TPP2: variants seen among roughly 807,000 people sequenced by gnomAD.
TPP2 encodes the protein tripeptidyl-peptidase 2.
Under a neutral mutation model 155.9 loss-of-function variants are expected in TPP2, and 34 were observed. That is an observed-to-expected ratio of 0.22 (90% CI 0.17 to 0.29). The LOEUF is 0.29. TPP2 is among the 10% of genes least tolerant of loss of function. The probability of loss-of-function intolerance (pLI) is 1.00; values close to 1 mark genes in which losing one functional copy is unlikely to be tolerated. For missense variants in TPP2, 1,028 were observed against 1,522.3 expected (o/e 0.68, Z 5.40); for synonymous variants, 510 against 529.4 (o/e 0.96, Z 0.50).
At chr13:102,656,429 C>G (rs761673172) in intron 24 of TPP2, among the ~76,000 whole-genome samples, 1 of 152,118 alleles carries the variant, frequency 6.6e-6, no homozygotes, top group Non-Finnish European at 1.5e-5. Flanking sequence ...CATTGAGGGT[C>G]GTTTGCGTAA....
intron 10 of TPP2, among the ~76,000 whole-genome samples, chr13:102,632,891 A>G (rs1882113935): frequency 6.6e-6 from 1 of 152,198 alleles, no homozygotes; most frequent in African/African-American, 2.4e-5. Flanking sequence ...GAGCATCTTT[A>G]CAGGTCAACA....
In TPP2 at chr13:102,640,370, T is replaced by C. The variant is rs560503940; in HGVS notation, c.2014T>C (p.Trp672Arg). ...TATTGAGGTTCCTGAGGGTGCAACA[T>C]GGGCTGGTAGGTAAAATTAAAATCT... ...HFIEVPEGAT[W>R]AEVTVCSCSS... The change falls in exon 16 of 30, where the codon TGG becomes CGG. Residue 672 changes from tryptophan to arginine, a missense_variant. Physicochemically the swap from Trp to Arg is moderately radical, Grantham distance 101 (BLOSUM62 -3). Around this residue, in one of 7 missense-constraint regions of TPP2, gnomAD observed 325 missense variants for 463.7 expected, o/e 0.70. Transcript: ENST00000376052. The C allele has an allele frequency of 3.1e-6, 5 of 1,612,840 alleles. No individual in the cohort carries two copies. The highest frequency in any genetic ancestry group is 4.2e-6 in the Non-Finnish European group (5 of 1,179,066).
intron 11 of TPP2, 127 bp from the exon 12 acceptor site, chr13:102,635,460 T>G: frequency 1.6e-6 from 1 of 611,920 alleles, no homozygotes; most frequent in African/African-American, 1.9e-5. Flanking sequence ...CAAAAAAGAT[T>G]TTAAAATGAG....
chr13:102,655,000 T>C, intron 24 of TPP2: 1 of 510,062 alleles, frequency 2.0e-6, no homozygotes, highest in Non-Finnish European at 3.9e-6. Context: ...CCCAGTCTCA[T>C]GTTTCACGTG....
At chr13:102,645,548 A>C (rs551030849) in intron 19 of TPP2, among the ~76,000 whole-genome samples, 1 of 152,370 alleles carries the variant, frequency 6.6e-6, no homozygotes, top group South Asian at 2.1e-4. Context: ...GTGTATTAAA[A>C]TAACCAATTA....
In TPP2 at chr13:102,651,270, A is replaced by G. The variant is rs772703978; in HGVS notation, c.2953-89A>G. On this transcript the variant is annotated intron_variant, in intron 23 of 29. Coordinates refer to ENST00000376052, the MANE Select transcript of TPP2 (RefSeq NM_001330588.2). ...CTAAGTGGTGTAACACAGGTGGAAC[A>G]TAAACTGAAAGACAATTAGACAGAG... The G allele has an allele frequency of 1.5e-5, 22 of 1,458,194 alleles. No individual in the cohort carries two copies. In the Admixed American group the frequency reaches 2.1e-4, roughly 14 times the overall value. 90.3% of individuals were successfully genotyped at this position (1,458,194 alleles called of 1,614,324 possible).
chr13:102,655,625 T>C (rs977462919), intron 24 of TPP2, among the ~76,000 whole-genome samples: 3 of 152,208 alleles, frequency 2.0e-5, no homozygotes, highest in Non-Finnish European at 4.4e-5. Context: ...TCTCCATTTC[T>C]CTGCTGCTGT....
intron 1 of TPP2, among the ~76,000 whole-genome samples, chr13:102,597,870 G>A (rs12430252): frequency 0.32 from 48,327 of 152,018 alleles, 8,337 homozygotes; most frequent in South Asian, 0.41. Context: ...CTTCTGCAGC[G>A]TGTTTGCTTA....
At chr13:102,655,776 G>A (rs673569) in intron 24 of TPP2, among the ~76,000 whole-genome samples, 75,201 of 151,642 alleles carry the variant, frequency 0.5, 19,038 homozygotes, top group African/African-American at 0.6. Context: ...CTGTGCTGCC[G>A]GGTTTTCAGT....
intron 2 of TPP2, among the ~76,000 whole-genome samples, chr13:102,606,194 A>G (rs1390877279): frequency 2.0e-5 from 3 of 152,180 alleles, no homozygotes; most frequent in African/African-American, 7.2e-5. Flanking sequence ...ACATAAAATT[A>G]TGGTTATTTA....
chr13:102,670,108 A>T (rs1025736854), intron 27 of TPP2, among the ~76,000 whole-genome samples: 2 of 152,110 alleles, frequency 1.3e-5, no homozygotes, highest in Non-Finnish European at 2.9e-5. Context: ...TCCACCAAAT[A>T]ACCACTTTTC....
chr13:102,658,343 A>G (rs530732417), intron 25 of TPP2, among the ~76,000 whole-genome samples: 99 of 152,348 alleles, frequency 6.5e-4, no homozygotes, highest in African/African-American at 2.1e-3. Flanking sequence ...ACTTGCAAAT[A>G]TACCTTTCCC....
intron 25 of TPP2, among the ~76,000 whole-genome samples, chr13:102,659,275 A>G (rs1161521144): frequency 6.6e-6 from 1 of 152,228 alleles, no homozygotes; most frequent in Admixed American, 6.5e-5. Context: ...GAGTACCAGG[A>G]GAACAGAGAG....
At chr13:102,617,250 T>G (rs1255478776) in intron 4 of TPP2, among the ~76,000 whole-genome samples, 1 of 152,090 alleles carries the variant, frequency 6.6e-6, no homozygotes, top group Non-Finnish European at 1.5e-5. Context: ...TTGTCACTTT[T>G]AAAAAGGGTT....
At chr13:102,604,592 G>A (rs775349484) in intron 1 of TPP2, among the ~76,000 whole-genome samples, 24 of 152,164 alleles carry the variant, frequency 1.6e-4, no homozygotes, top group Non-Finnish European at 2.8e-4. Context: ...TATATGAAAC[G>A]ACTTGAAGGA....
chr13:102,666,766 C>CTTTTTTTTATTTTTTT (rs1884627997), intron 27 of TPP2, among the ~76,000 whole-genome samples: 1 of 55,732 alleles, frequency 1.8e-5, no homozygotes, highest in South Asian at 9.6e-4. Flanking sequence ...TTTTTAATCT[C>CTTTTTTTTATTTTTTT]TTTTTTTTTT....
At chr13:102,638,995 A>T (rs906091542) in intron 15 of TPP2, among the ~76,000 whole-genome samples, 1 of 152,196 alleles carries the variant, frequency 6.6e-6, no homozygotes, top group African/African-American at 2.4e-5. Flanking sequence ...GGATTTGTGC[A>T]TGTGCACAGC....
Position 102,679,637 on chromosome 13 carries a change from G to A in TPP2, c.*1321G>A, listed in dbSNP as rs1885507631. The A allele has an allele frequency of 6.6e-6, 1 of 152,164 alleles. No homozygotes were observed. Among genetic ancestry groups the A allele is most frequent in the South Asian group, 2.1e-4 (1 of 4,830 alleles). 9.4% of individuals were successfully genotyped at this position (152,164 alleles called of 1,614,324 possible). ...CATATTGGTCACACCTTCTGGGCTA[G>A]CTAGGGTCCAAAGTCTATCCATGAA... On this transcript the variant is annotated 3_prime_UTR_variant, in exon 30 of 30. Transcript: ENST00000376052.
intron 2 of TPP2, among the ~76,000 whole-genome samples, chr13:102,605,187 C>G (rs538947393): frequency 6.6e-6 from 1 of 151,868 alleles, no homozygotes; most frequent in African/African-American, 2.4e-5. Context: ...GAAGGCTCAG[C>G]TTGGGAGAAG....
Sources: gnomAD v4.1 joint callset for allele counts (sites outside exome capture counted in the v4.1 genomes callset) on GRCh38, gnomAD v4.1.1 for gene constraint, gnomAD v4.1.1 regional missense constraint, MANE v1.5 for transcripts, NCBI Gene and HGNC (gene_info 2026-07-23, HGNC 2026-07-21) for gene names.